The following CADPS2 variants were observed in gnomAD, a reference collection of about 807,000 sequenced individuals.
CADPS2 encodes the protein calcium dependent secretion activator 2, also known as calcium-dependent secretion activator 2.
Under a neutral mutation model 172.5 loss-of-function variants are expected in CADPS2, and 93 were observed. That is an observed-to-expected ratio of 0.54 (90% CI 0.46 to 0.64). The LOEUF (loss-of-function observed/expected upper bound fraction) is 0.64. Among genes scored for constraint, CADPS2 ranks in the 30% least tolerant of loss-of-function variants. The probability of loss-of-function intolerance (pLI) is 0.00; values close to 1 mark genes in which losing one functional copy is unlikely to be tolerated. For missense variants in CADPS2, 1,420 were observed against 1,565.9 expected, an observed-to-expected ratio of 0.91 and a Z score of 1.57; for synonymous variants, 546 against 555.2, an observed-to-expected ratio of 0.98 and a Z score of 0.23.
intron 11 of CADPS2, among the ~76,000 whole-genome samples, chr7:122,489,641 A>T (rs142107244): frequency 6.6e-6 from 1 of 152,134 alleles, no homozygotes; most frequent in Non-Finnish European, 1.5e-5. Flanking sequence ...CAACAAAAAA[A>T]TAGACCTATT....
chr7:122,438,695 A>T (rs569976071), intron 16 of CADPS2, among the ~76,000 whole-genome samples: 16 of 152,168 alleles, frequency 1.1e-4, no homozygotes, highest in African/African-American at 3.1e-4. Context: ...CCTAAGCCTA[A>T]TTTATGCATA....
intron 7 of CADPS2, among the ~76,000 whole-genome samples, chr7:122,566,606 T>A (rs957595406): frequency 6.6e-6 from 1 of 152,144 alleles, no homozygotes; most frequent in African/African-American, 2.4e-5. Context: ...TTTATTAATA[T>A]AGTGACTAAA....
At chr7:122,534,479 G>A (rs1321726919) in intron 8 of CADPS2, among the ~76,000 whole-genome samples, 2 of 152,032 alleles carry the variant, frequency 1.3e-5, no homozygotes, top group Non-Finnish European at 2.9e-5. Flanking sequence ...CAAAGTCACA[G>A]GCTTAAGGCA....
At chr7:122,691,135 G>A (rs76990484) in intron 2 of CADPS2, among the ~76,000 whole-genome samples, 7 of 152,274 alleles carry the variant, frequency 4.6e-5, no homozygotes, top group South Asian at 2.1e-4. Context: ...GTCCTTATCC[G>A]GGGAGTCACT....
Position 122,360,779 on chromosome 7 carries a change from A to T in CADPS2, c.3504+9T>A, listed in dbSNP as rs763564857. ...ATACAGTTTTAAAAAGCAGATAAAA[A>T]ATACTTACTGGAACATCAACATATT... On this transcript the variant is annotated intron_variant, in intron 27 of 29. Coordinates refer to ENST00000449022, the MANE Select transcript of CADPS2 (RefSeq NM_017954.11). The T allele has an allele frequency of 4.5e-6, 7 of 1,549,204 alleles. No individual in the cohort carries two copies. Among genetic ancestry groups the T allele is most frequent in the Non-Finnish European group, 6.1e-6 (7 of 1,147,930 alleles).
intron 1 of CADPS2, among the ~76,000 whole-genome samples, chr7:122,879,674 G>T (rs1822343307): frequency 6.6e-6 from 1 of 152,128 alleles, no homozygotes; most frequent in Admixed American, 6.5e-5. Flanking sequence ...ACAAAGACAG[G>T]CTTTAAATTT....
intron 29 of CADPS2, among the ~76,000 whole-genome samples, chr7:122,321,653 T>G (rs1176331787): frequency 6.6e-6 from 1 of 151,930 alleles, no homozygotes; most frequent in Admixed American, 6.6e-5. Context: ...CATGCCCAGC[T>G]AATTTTTGTG....
intron 2 of CADPS2, chr7:122,702,242 C>A (rs1478469716): frequency 1.2e-6 from 2 of 1,613,872 alleles, no homozygotes; most frequent in Admixed American, 3.3e-5. Flanking sequence ...CACATAGACT[C>A]CTTTCTGAAT....
chr7:122,558,687 A>G (rs1385196858), intron 7 of CADPS2, among the ~76,000 whole-genome samples: 1 of 152,190 alleles, frequency 6.6e-6, no homozygotes, highest in Non-Finnish European at 1.5e-5. Flanking sequence ...TGAAATATAA[A>G]ATACACATTT....
intron 11 of CADPS2, among the ~76,000 whole-genome samples, chr7:122,484,031 A>C (rs545716620): frequency 3.3e-5 from 5 of 151,978 alleles, no homozygotes; most frequent in Admixed American, 6.5e-5. Flanking sequence ...GTTTTCCAAA[A>C]TTTTCCAAGG....
At chr7:122,403,300 A>G (rs2046192150) in intron 20 of CADPS2, among the ~76,000 whole-genome samples, 1 of 152,216 alleles carries the variant, frequency 6.6e-6, no homozygotes, top group African/African-American at 2.4e-5. Flanking sequence ...TCTCAGTACC[A>G]AAAGGAAAAT....
chr7:122,702,063 T>A (rs768783615), intron 2 of CADPS2: 3 of 1,613,642 alleles, frequency 1.9e-6, no homozygotes, highest in Non-Finnish European at 2.5e-6. Flanking sequence ...TTCACATCTG[T>A]CTTTATTTGA....
At chr7:122,618,239 T>C (rs894163193) in intron 5 of CADPS2, among the ~76,000 whole-genome samples, 1 of 152,144 alleles carries the variant, frequency 6.6e-6, no homozygotes, top group Non-Finnish European at 1.5e-5. Context: ...CTAAAAGTAA[T>C]CCTGAACGGC....
At chr7:122,854,211 T>C (rs1003926148) in intron 1 of CADPS2, among the ~76,000 whole-genome samples, 2 of 151,862 alleles carry the variant, frequency 1.3e-5, no homozygotes, top group Non-Finnish European at 2.9e-5. Context: ...AATACAAAAA[T>C]TGGCCAAGAG....
chr7:122,813,394 T>A (rs1487328201), intron 1 of CADPS2, among the ~76,000 whole-genome samples: 1 of 152,144 alleles, frequency 6.6e-6, no homozygotes. Flanking sequence ...TTATGCTAAT[T>A]TGTAATAATT....
At chr7:122,475,728 T>A (rs1312225236) in intron 12 of CADPS2, among the ~76,000 whole-genome samples, 2 of 152,108 alleles carry the variant, frequency 1.3e-5, no homozygotes, top group Non-Finnish European at 2.9e-5. Context: ...GTCTTCAGAA[T>A]CACACTAAAA....
At chr7:122,740,473 C>T (rs1253989211) in intron 1 of CADPS2, among the ~76,000 whole-genome samples, 1 of 152,052 alleles carries the variant, frequency 6.6e-6, no homozygotes, top group Non-Finnish European at 1.5e-5. Flanking sequence ...CTGTACGACT[C>T]CAACGATATG....
chr7:122,453,373 G>A (rs1208672695), intron 14 of CADPS2, among the ~76,000 whole-genome samples: 2 of 152,016 alleles, frequency 1.3e-5, no homozygotes, highest in African/African-American at 2.4e-5. Context: ...CCCATTGAGC[G>A]AATGTTAATA....
In CADPS2 at chr7:122,416,100, G is replaced by A. The variant is rs200337204; in HGVS notation, c.2541C>T (p.Cys847=). 6 of 1,553,088 alleles carry A rather than the reference G, an allele frequency of 3.9e-6. No homozygotes were observed. In the African/African-American group the frequency reaches 6.8e-5, roughly 18 times the overall value. ...LEEILHLAEL[C]IEVLQQNEEH... Reference sequence around the variant, plus strand: ...CTTCATTCTGCTGTAAGACTTCTATGCAGAGCTCTGCCAGATGAAGAATCT... The same window carrying A: ...CTTCATTCTGCTGTAAGACTTCTATACAGAGCTCTGCCAGATGAAGAATCT... The change falls in exon 18 of 30, where the codon TGC becomes TGT. Residue 847 remains cysteine, a synonymous_variant. Transcript: ENST00000449022.
Sources: gnomAD v4.1 joint callset for allele counts (sites outside exome capture counted in the v4.1 genomes callset) on GRCh38, gnomAD v4.1.1 for gene constraint, MANE v1.5 for transcripts, NCBI Gene and HGNC (gene_info 2026-07-23, HGNC 2026-07-21) for gene names.